WDPCP: variants seen among roughly 807,000 people sequenced by gnomAD.
The protein encoded by WDPCP is WD repeat containing planar cell polarity effector.
In WDPCP, 71 loss-of-function variants were observed where a neutral mutation model predicts 93.1. The observed-to-expected ratio is 0.76, with a 90% CI of 0.63 to 0.93. The LOEUF is 0.93. Ranked by LOEUF, WDPCP falls within the 40% of genes least tolerant of loss-of-function variation. The pLI, the probability that WDPCP is intolerant of heterozygous loss-of-function variation, is 0.00. For missense variants in WDPCP, 844 were observed against 887.4 expected, an observed-to-expected ratio of 0.95 and a Z score of 0.62; for synonymous variants, 315 against 315.0, an observed-to-expected ratio of 1.00 and a Z score of 0.00.
At chr2:63,292,940 T>C (rs1265189420) in intron 13 of WDPCP, among the ~76,000 whole-genome samples, 1 of 152,184 alleles carries the variant, frequency 6.6e-6, no homozygotes, top group African/African-American at 2.4e-5. Context: ...AGCTGTATGG[T>C]GGGCAACTGT....
intron 13 of WDPCP, among the ~76,000 whole-genome samples, chr2:63,281,695 A>C (rs1487238146): frequency 1.3e-5 from 2 of 152,224 alleles, no homozygotes; most frequent in Non-Finnish European, 2.9e-5. Context: ...GGAATTGGAG[A>C]CTATTATTCT....
rs146186248 is a variant in WDPCP, at chr2:63,650,158, A to C, written n.488+501T>G. On this transcript the variant is annotated intron_variant and non_coding_transcript_variant, in intron 3 of 4. Coordinates refer to the WDPCP transcript ENST00000467687. ...CCTTTGCTCAAGATGGAATGACATG[A>C]AGTTTCCCAAGATTTGTTCAGTACA... is the stretch of plus-strand genomic sequence containing the variant. 7.2e-4 allele frequency among the ~76,000 whole-genome samples: 109 copies of C among 152,318 alleles called. 2 individuals are homozygous for C. In the East Asian group the frequency reaches 0.02, roughly 28 times the overall value.
At chr2:63,770,767 A>T (rs976014577) in intron 2 of WDPCP, among the ~76,000 whole-genome samples, 6 of 151,930 alleles carry the variant, frequency 3.9e-5, no homozygotes, top group Admixed American at 3.9e-4. Context: ...AGAGTTTTCC[A>T]GTGGATGCAT....
intron 3 of WDPCP, chr2:63,595,007 A>G (rs1709277943): frequency 7.3e-6 from 2 of 273,418 alleles, no homozygotes; most frequent in South Asian, 7.9e-5. Flanking sequence ...AATATACACT[A>G]AAATCCTTTT....
rs528522748 is a variant in WDPCP at position 63,624,706 on chromosome 2, A to C, written n.488+25953T>G. On this transcript the variant is annotated intron_variant and non_coding_transcript_variant, in intron 3 of 4. Transcript: ENST00000467687. Reference sequence around the variant, plus strand: ...GGAATTAATAGCTTACCAACCAAAAAAAGCCCAGAACCAGATGGATTCACA... The same window carrying C: ...GGAATTAATAGCTTACCAACCAAAACAAGCCCAGAACCAGATGGATTCACA... 1.0e-3 allele frequency among the ~76,000 whole-genome samples: 152 copies of C among 152,302 alleles called. 2 individuals are homozygous for C. The Middle Eastern group carries it at 0.014, about 14-fold the overall frequency.
intron 2 of WDPCP, among the ~76,000 whole-genome samples, chr2:63,765,798 A>C (rs1670128901): frequency 6.6e-6 from 1 of 152,202 alleles, no homozygotes; most frequent in Non-Finnish European, 1.5e-5. Context: ...GTGTTTGTTC[A>C]TCTGCATGGG....
At chr2:63,524,194 G>A (rs1008480091) in intron 1 of WDPCP, among the ~76,000 whole-genome samples, 6 of 152,156 alleles carry the variant, frequency 3.9e-5, no homozygotes, top group African/African-American at 1.4e-4. Context: ...CATAAGCAAT[G>A]TTCAGATTCA....
intron 1 of WDPCP, chr2:63,519,005 T>C (rs1575569453): frequency 1.3e-5 from 2 of 151,514 alleles, no homozygotes; most frequent in Non-Finnish European, 2.9e-5. Context: ...TGCCAGTGCA[T>C]GGTACACATG....
intron 13 of WDPCP, among the ~76,000 whole-genome samples, chr2:63,276,122 G>A (rs1455166367): frequency 6.6e-6 from 1 of 152,150 alleles, no homozygotes; most frequent in African/African-American, 2.4e-5. Flanking sequence ...AAACCCAGAA[G>A]AGCAAAAACA....
chr2:63,209,828 G>A (rs2104398436), intron 14 of WDPCP, among the ~76,000 whole-genome samples: 1 of 152,292 alleles, frequency 6.6e-6, no homozygotes, highest in African/African-American at 2.4e-5. Flanking sequence ...ATAAAAAAGA[G>A]AAGGGGTCAG....
At chr2:63,721,804 G>C (rs1355899490) in intron 2 of WDPCP, among the ~76,000 whole-genome samples, 3 of 150,976 alleles carry the variant, frequency 2.0e-5, no homozygotes, top group Admixed American at 6.6e-5. Flanking sequence ...AAGCTGGACT[G>C]TACTGCTGCC....
intron 6 of WDPCP, among the ~76,000 whole-genome samples, chr2:63,465,129 T>C (rs1699261921): frequency 6.6e-6 from 1 of 151,834 alleles, no homozygotes; most frequent in African/African-American, 2.4e-5. Flanking sequence ...AGGTTAAATT[T>C]ATTTATTATT....
chr2:63,139,167 GTA>G (rs1491449807), intron 17 of WDPCP, among the ~76,000 whole-genome samples: 6 of 67,918 alleles, frequency 8.8e-5, no homozygotes, highest in Non-Finnish European at 1.5e-4. Flanking sequence ...GTATATATGT[GTA>G]TACACACACA....
At chr2:63,735,262 G>A (rs1299682006) in intron 2 of WDPCP, among the ~76,000 whole-genome samples, 1 of 152,170 alleles carries the variant, frequency 6.6e-6, no homozygotes, top group African/African-American at 2.4e-5. Context: ...TTGCAGTTAA[G>A]AGAGACCAAG....
chr2:63,126,671 T>TG (rs1669927961), intron 17 of WDPCP, among the ~76,000 whole-genome samples: 1 of 147,522 alleles, frequency 6.8e-6, no homozygotes, highest in African/African-American at 2.5e-5. Flanking sequence ...TTTGTGTTTT[T>TG]TTTTTTTTTT....
At chr2:63,827,203 C>T (rs1272109669) in intron 1 of WDPCP, among the ~76,000 whole-genome samples, 1 of 152,072 alleles carries the variant, frequency 6.6e-6, no homozygotes, top group Non-Finnish European at 1.5e-5. Context: ...CCCCTGTTAC[C>T]CCTGTTACTT....
intron 12 of WDPCP, among the ~76,000 whole-genome samples, chr2:63,337,502 CAGT>C (rs1396418614): frequency 6.6e-6 from 1 of 152,014 alleles, no homozygotes; most frequent in African/African-American, 2.4e-5. Context: ...GATATATATG[CAGT>C]AGTATATATT....
chr2:63,171,366 T>A (rs909965692), intron 15 of WDPCP, among the ~76,000 whole-genome samples: 1 of 152,090 alleles, frequency 6.6e-6, no homozygotes, highest in Non-Finnish European at 1.5e-5. Context: ...ACAAGACAAC[T>A]AAAGAATGGA....
chr2:63,339,970 T>A (rs1279777253), intron 12 of WDPCP, among the ~76,000 whole-genome samples: 1 of 152,162 alleles, frequency 6.6e-6, no homozygotes, highest in Non-Finnish European at 1.5e-5. Flanking sequence ...TTTTTGTTAT[T>A]TATTCTGTTA....
Sources: gnomAD v4.1 joint callset for allele counts (sites outside exome capture counted in the v4.1 genomes callset) on GRCh38, gnomAD v4.1.1 for gene constraint, MANE v1.5 for transcripts, NCBI Gene and HGNC (gene_info 2026-07-23, HGNC 2026-07-21) for gene names.